Variants in CPLANE1 observed in about 807,000 individuals in gnomAD.
CPLANE1 encodes ciliogenesis and planar polarity effector complex subunit 1, also known as ciliogenesis and planar polarity effector 1.
Under a neutral mutation model 362.5 loss-of-function variants are expected in CPLANE1, and 263 were observed. The observed-to-expected ratio is 0.73, with a 90% CI of 0.66 to 0.80. The LOEUF (loss-of-function observed/expected upper bound fraction) is 0.80. CPLANE1 is among the 30% of genes least tolerant of loss of function. CPLANE1 has a pLI of 0.00. For synonymous variants in CPLANE1, 1,212 were observed against 1,302.6 expected, an observed-to-expected ratio of 0.93 and a Z score of 1.50; for missense variants, 3,461 against 3,793.4, an observed-to-expected ratio of 0.91 and a Z score of 2.30.
At chr5:37,237,503 T>C (rs962582566) in intron 8 of CPLANE1, among the ~76,000 whole-genome samples, 1 of 152,204 alleles carries the variant, frequency 6.6e-6, no homozygotes, top group African/African-American at 2.4e-5. Flanking sequence ...TGTTCACTAT[T>C]AATACTAAAA....
chr5:37,186,954 G>C (rs552034369), intron 23 of CPLANE1, among the ~76,000 whole-genome samples: 1 of 151,216 alleles, frequency 6.6e-6, no homozygotes, highest in African/African-American at 2.4e-5. Flanking sequence ...CCAGCTGCTC[G>C]GAAGGCTGAG....
At chr5:37,196,676 A>G (rs1787560011) in intron 20 of CPLANE1, among the ~76,000 whole-genome samples, 1 of 152,226 alleles carries the variant, frequency 6.6e-6, no homozygotes. Context: ...CTGTAATCCC[A>G]GCACTTTAGG....
At chr5:37,186,841 C>T (rs1201325806) in intron 23 of CPLANE1, among the ~76,000 whole-genome samples, 20 of 151,978 alleles carry the variant, frequency 1.3e-4, no homozygotes, top group African/African-American at 4.8e-5. Flanking sequence ...GGGCAGATCA[C>T]GAGGTCAGGA....
the CPLANE1 span, among the ~76,000 whole-genome samples, chr5:37,082,917 A>G: frequency 2.6e-4 from 39 of 152,340 alleles, 1 homozygote; most frequent in Admixed American, 2.5e-3. Context: ...AGATGGACAG[A>G]GCAGCATGTG....
chr5:37,218,920 C>T (rs974259717), intron 15 of CPLANE1, among the ~76,000 whole-genome samples: 1 of 151,294 alleles, frequency 6.6e-6, no homozygotes, highest in Admixed American at 6.6e-5. Flanking sequence ...TGCACACTAG[C>T]CTGTGCCACA....
At chr5:37,098,159 C>T in the CPLANE1 span, among the ~76,000 whole-genome samples, 1 of 151,508 alleles carries the variant, frequency 6.6e-6, no homozygotes, top group Non-Finnish European at 1.5e-5. Flanking sequence ...TTTGGGAGGC[C>T]GAGGCGGGTG....
downstream of CPLANE1, among the ~76,000 whole-genome samples, chr5:37,104,025 A>T (rs1388103368): frequency 6.6e-6 from 1 of 152,040 alleles, no homozygotes; most frequent in Non-Finnish European, 1.5e-5. Context: ...ATGTCTTTTT[A>T]CATAATCCCG....
At position 37,244,410 on chromosome 5, in the gene CPLANE1, CTTT is replaced by C. The variant is rs886043021; in HGVS notation, c.532_534del (p.Lys178del). ...ATAAAAACAGCATTCACTACAGCTTCTTTATCTTCGGTGGAAGGCAAGAGAACT... is the reference window on the plus strand; with the variant it reads ...ATAAAAACAGCATTCACTACAGCTTCATCTTCGGTGGAAGGCAAGAGAACT... On this transcript the variant is annotated inframe_deletion, in exon 5 of 53. Transcript: ENST00000651892. 25 of 1,550,658 alleles carry C rather than the reference CTTT, an allele frequency of 1.6e-5. No homozygotes were observed. In the Admixed American group the frequency reaches 2.0e-4, roughly 12 times the overall value.
At chr5:37,211,547 G>A in intron 16 of CPLANE1, 2 of 1,230,958 alleles carry the variant, frequency 1.6e-6, no homozygotes, top group Non-Finnish European at 2.4e-6. Context: ...GGCTATGCGG[G>A]GGCACTTCCT....
At position 37,122,471 on chromosome 5, in the gene CPLANE1, C is replaced by T. The variant is rs145867174; in HGVS notation, c.8976G>A (p.Arg2992=). ...TCATCTTTTGTCTCAGCCTTATTTCCCTTGAAGTCATGTAAAGCTGCATAA... is the reference window on the plus strand; with the variant it reads ...TCATCTTTTGTCTCAGCCTTATTTCTCTTGAAGTCATGTAAAGCTGCATAA... ...PRSNPLYMTS[R]EIRLRQKMKH... Residue 2992 remains arginine (R), a synonymous_variant, in exon 48 of 53, where the codon AGG becomes AGA. Coordinates refer to ENST00000651892, the MANE Select transcript of CPLANE1 (RefSeq NM_001384732.1). 2.4e-5 allele frequency: 38 copies of T among 1,612,468 alleles called. No homozygotes were observed. In the African/African-American group the frequency reaches 5.1e-4, roughly 22 times the overall value.
In CPLANE1 at chr5:37,242,912, T is replaced by C. The variant is rs187473805; in HGVS notation, c.677+101A>G. The C allele has an allele frequency of 2.0e-4, 140 of 712,870 alleles. No individual in the cohort carries two copies. The African/African-American group carries it at 2.4e-3, about 12-fold the overall frequency. 44.2% of individuals were successfully genotyped at this position (712,870 alleles called of 1,614,324 possible). A position where few individuals can be genotyped will look rare whatever the true frequency, so the allele number is the denominator to read the frequency against. ...CACAGGTACTCAGGAGGCTGAGCTATGATTGTGCCACTACCCCCCAGTCTG... is the reference window on the plus strand; with the variant it reads ...CACAGGTACTCAGGAGGCTGAGCTACGATTGTGCCACTACCCCCCAGTCTG... On this transcript the variant is annotated intron_variant, in intron 6 of 52. Transcript: ENST00000651892.
intron 43 of CPLANE1, among the ~76,000 whole-genome samples, chr5:37,147,672 T>C (rs1328944885): frequency 1.3e-5 from 2 of 152,024 alleles, no homozygotes; most frequent in African/African-American, 2.4e-5. Flanking sequence ...CTGACAAGAC[T>C]GAATGAGAAA....
Position 37,227,614 on chromosome 5 carries a change from G to C in CPLANE1, c.1325C>G (p.Ser442Ter). 6.4e-7 allele frequency: 1 copy of C among 1,551,472 alleles called. No individual in the cohort carries two copies. The highest frequency in any genetic ancestry group is 8.7e-7 in the Non-Finnish European group (1 of 1,146,834). The change falls in exon 10 of 53, where the codon TCA (serine) becomes TGA (stop). Residue 442 changes from serine (S) to a stop codon, truncating the protein, a stop_gained. Transcript: ENST00000651892. LOFTEE classifies it high-confidence loss of function. ...SVHMRSLLLD[S>*]TQRLEKIYQS... The stretch of plus-strand genomic sequence containing the variant: ...ATATATTTTCTCAAGCCTCTGGGTT[G>C]AATCAAGTAGAAGTGATCTCATGTG...
At chr5:37,192,769 CAGG>C (rs1785958028) in intron 21 of CPLANE1, among the ~76,000 whole-genome samples, 1 of 145,438 alleles carries the variant, frequency 6.9e-6, no homozygotes, top group Admixed American at 7.1e-5. Flanking sequence ...GAGGCTAAGG[CAGG>C]AGAATGGTGG....
intron 37 of CPLANE1, among the ~76,000 whole-genome samples, chr5:37,162,895 G>C (rs1457959347): frequency 6.6e-6 from 1 of 152,164 alleles, no homozygotes; most frequent in East Asian, 1.9e-4. Context: ...GGCCAGGCTG[G>C]TCTCAAACTC....
chr5:37,246,301 G>A (rs190288879), intron 2 of CPLANE1: 1 of 151,994 alleles, frequency 6.6e-6, no homozygotes, highest in Non-Finnish European at 1.5e-5. Context: ...ACCATTCTTA[G>A]GCAACCTGGT....
chr5:37,143,610 A>C (rs1455637811), intron 43 of CPLANE1, among the ~76,000 whole-genome samples: 1 of 152,214 alleles, frequency 6.6e-6, no homozygotes, highest in Non-Finnish European at 1.5e-5. Flanking sequence ...AACCACTGAT[A>C]AAGGGAGGAA....
chr5:37,225,623 G>A lies in CPLANE1; in HGVS notation c.2291+681C>T, dbSNP rs181838456. On this transcript the variant is annotated intron_variant, in intron 12 of 52. Coordinates refer to ENST00000651892, the MANE Select transcript of CPLANE1 (RefSeq NM_001384732.1). ...TCCCAACACTTTGGGAGGCTGAAGC[G>A]GGCGGATCACCTGAGGTCAGGAGTT... 6.5e-3 allele frequency among the ~76,000 whole-genome samples: 993 copies of A among 152,080 alleles called. 8 individuals are homozygous for A. Among genetic ancestry groups the A allele is most frequent in the African/African-American group, 0.022 (932 of 41,514 alleles).
intron 9 of CPLANE1, 30 bp downstream of exon 9, chr5:37,230,837 A>G (rs1797580988): frequency 1.5e-6 from 2 of 1,347,882 alleles, no homozygotes; most frequent in African/African-American, 3.0e-5. Flanking sequence ...AAAAATCTAT[A>G]AACAAATTAA....
Sources: allele counts gnomAD v4.1 joint callset (sites outside exome capture counted in the v4.1 genomes callset), GRCh38; gene constraint gnomAD v4.1.1; transcripts MANE v1.5; gene names NCBI Gene and HGNC (gene_info 2026-07-23, HGNC 2026-07-21).